Variants in UBE2O observed in about 807,000 individuals in gnomAD.
UBE2O encodes ubiquitin conjugating enzyme E2 O, also known as (E3-independent) E2 ubiquitin-conjugating enzyme.
In UBE2O, 15 loss-of-function variants were observed where a neutral mutation model predicts 125.8. The ratio of observed to expected loss-of-function variants is 0.12; its 90% CI spans 0.08 to 0.18. UBE2O has a LOEUF of 0.18. Ranked by LOEUF, UBE2O falls within the 10% of genes least tolerant of loss-of-function variation. The pLI is 1.00. For synonymous variants in UBE2O, 708 were observed against 703.2 expected, an observed-to-expected ratio of 1.01 and a Z score of -0.11; for missense variants, 1,280 against 1,723.6, an observed-to-expected ratio of 0.74 and a Z score of 4.56.
At chr17:76,434,621 G>A (rs1033203392) in intron 1 of UBE2O, among the ~76,000 whole-genome samples, 2 of 152,092 alleles carry the variant, frequency 1.3e-5, no homozygotes, top group Non-Finnish European at 2.9e-5. Flanking sequence ...TTTGGGTTGT[G>A]GAGAGTCCTT....
In UBE2O at chr17:76,390,924, T is replaced by C. The variant is rs755757903; in HGVS notation, c.*19A>G. The C allele has an allele frequency of 2.5e-6, 4 of 1,579,174 alleles. No individual in the cohort carries two copies. In the African/African-American group the frequency reaches 4.1e-5, roughly 16 times the overall value. ...GCTGGCCTCTCCCACGGTGATGCTC[T>C]TTCCTCTGTGCCTGGCAGCTACTTG... On this transcript the variant is annotated 3_prime_UTR_variant, in exon 18 of 18. Transcript: ENST00000319380.
chr17:76,418,731 G>A (rs2072657728), intron 1 of UBE2O, among the ~76,000 whole-genome samples: 1 of 152,000 alleles, frequency 6.6e-6, no homozygotes, highest in Non-Finnish European at 1.5e-5. Context: ...CACCACGCCC[G>A]GCTAACTTTT....
Position 76,421,446 on chromosome 17 carries a change from T to C in UBE2O, c.418-15874A>G, listed in dbSNP as rs56194054. 6.3e-3 allele frequency among the ~76,000 whole-genome samples: 958 copies of C among 152,144 alleles called. 7 individuals carry two copies. Among genetic ancestry groups the C allele is most frequent in the African/African-American group, 0.022 (924 of 41,520 alleles). On this transcript the variant is annotated intron_variant, in intron 1 of 17. Transcript: ENST00000319380. The stretch of plus-strand genomic sequence containing the variant: ...GCAATGGCGTGATCTCGGCACACCA[T>C]AGCCTGCTTCCCCGGTTCAAGCGAT...
chr17:76,401,121 G>T lies in UBE2O; in HGVS notation c.784C>A (p.Pro262Thr). The change falls in exon 6 of 18, where the codon CCA (proline) becomes ACA (threonine). Residue 262 changes from proline (P) to threonine (T), a missense_variant. Around this residue, in one of 10 missense-constraint regions of UBE2O, gnomAD observed 206 missense variants for 315.7 expected, o/e 0.65. Coordinates refer to ENST00000319380, the MANE Select transcript of UBE2O (RefSeq NM_022066.4). Reference sequence around the variant, plus strand: ...GCAGGGCCAATGAGCACCTGGCCTGGGTAGAAGCCATAGGAATCATCGAAG... The same window carrying T: ...GCAGGGCCAATGAGCACCTGGCCTGTGTAGAAGCCATAGGAATCATCGAAG... ...LFFDDSYGFY[P>T]GQVLIGPAKI... is the part of the protein sequence containing the mutation. The T allele has an allele frequency of 6.2e-7, 1 of 1,613,790 alleles. No individual in the cohort carries two copies. The highest frequency in any genetic ancestry group is 8.5e-7 in the Non-Finnish European group (1 of 1,180,024).
At chr17:76,439,767 C>G (rs1166713629) in intron 1 of UBE2O, among the ~76,000 whole-genome samples, 2 of 152,228 alleles carry the variant, frequency 1.3e-5, no homozygotes, top group African/African-American at 4.8e-5. Flanking sequence ...CTGCCCTCCA[C>G]TGCTGCTATT....
intron 1 of UBE2O, among the ~76,000 whole-genome samples, chr17:76,415,902 C>T (rs1398566418): frequency 6.7e-6 from 1 of 148,660 alleles, no homozygotes; most frequent in South Asian, 2.1e-4. Context: ...CACGTATATA[C>T]AAATATATAC....
At chr17:76,420,147 C>T (rs1281161370) in intron 1 of UBE2O, among the ~76,000 whole-genome samples, 1 of 152,220 alleles carries the variant, frequency 6.6e-6, no homozygotes, top group Admixed American at 6.5e-5. Flanking sequence ...TGCTAATCAA[C>T]AGCCACACTC....
chr17:76,447,155 C>A (rs1437002348), intron 1 of UBE2O, among the ~76,000 whole-genome samples: 1 of 152,214 alleles, frequency 6.6e-6, no homozygotes, highest in East Asian at 1.9e-4. Context: ...TTAATGCCAA[C>A]CACAAGGCTT....
Position 76,404,940 on chromosome 17 carries a change from G to C in UBE2O, c.588+266C>G, listed in dbSNP as rs1397214242. ...AATTTATTTTTTTAAAGAAATGTTA[G>C]AGGAGAAAGGAAAAACACTTAAAGA... On this transcript the variant is annotated intron_variant, in intron 3 of 17. Coordinates refer to ENST00000319380, the MANE Select transcript of UBE2O (RefSeq NM_022066.4). The surrounding 1 kb of genome is among the most constrained non-coding windows in gnomAD (Gnocchi z 4.3). 2.0e-5 allele frequency among the ~76,000 whole-genome samples: 3 copies of C among 152,116 alleles called. No individual in the cohort carries two copies. The highest frequency in any genetic ancestry group is 7.2e-5 in the African/African-American group (3 of 41,424).
chr17:76,448,015 G>A (rs749406601), intron 1 of UBE2O, among the ~76,000 whole-genome samples: 6 of 152,192 alleles, frequency 3.9e-5, no homozygotes, highest in Non-Finnish European at 8.8e-5. Flanking sequence ...TGCAGAGGGA[G>A]AAAATGAGGC....
intron 1 of UBE2O, among the ~76,000 whole-genome samples, chr17:76,428,855 T>C (rs961153253): frequency 2.6e-5 from 4 of 151,808 alleles, no homozygotes; most frequent in African/African-American, 9.7e-5. Context: ...ATATAAGACA[T>C]GACCATCAAG....
chr17:76,432,110 C>T (rs1598614723), intron 1 of UBE2O, among the ~76,000 whole-genome samples: 1 of 152,188 alleles, frequency 6.6e-6, no homozygotes, highest in East Asian at 1.9e-4. Flanking sequence ...TGCCCCTCAG[C>T]AGACAGCCAC....
Position 76,397,825 on chromosome 17 carries a change from T to A in UBE2O, c.2089A>T (p.Asn697Tyr), listed in dbSNP as rs757278690. 1 of 1,614,174 alleles carries A rather than the reference T, an allele frequency of 6.2e-7. No homozygotes were observed. Among genetic ancestry groups the A allele is most frequent in the South Asian group, 1.1e-5 (1 of 91,090 alleles). ...SSKVEVVWADNSKTIILPQHL... is the reference protein window; with the variant it reads ...SSKVEVVWADYSKTIILPQHL... Reference sequence around the variant, plus strand: ...TGGGGCAGGATGATGGTCTTTGAGTTGTCAGCCCACACCACCTCCACCTTG... The same window carrying A: ...TGGGGCAGGATGATGGTCTTTGAGTAGTCAGCCCACACCACCTCCACCTTG... Residue 697 changes from asparagine to tyrosine, a missense_variant, in exon 13 of 18, where the codon AAC becomes TAC. Coordinates refer to ENST00000319380, the MANE Select transcript of UBE2O (RefSeq NM_022066.4).
At chr17:76,449,661 G>A (rs2073203960) in intron 1 of UBE2O, among the ~76,000 whole-genome samples, 1 of 152,176 alleles carries the variant, frequency 6.6e-6, no homozygotes. Flanking sequence ...GCTCCTGCCT[G>A]TAATCCCAGC....
chr17:76,403,452 G>C (rs1366717078), intron 3 of UBE2O, among the ~76,000 whole-genome samples: 1 of 151,828 alleles, frequency 6.6e-6, no homozygotes, highest in Non-Finnish European at 1.5e-5. Context: ...CATATATTTT[G>C]GTTGAGATGG....
intron 1 of UBE2O, among the ~76,000 whole-genome samples, chr17:76,445,711 G>A (rs548421049): frequency 6.6e-6 from 1 of 152,300 alleles, no homozygotes; most frequent in African/African-American, 2.4e-5. Flanking sequence ...ACTTGGAGTA[G>A]ATAAATCCAG....
chr17:76,446,492 G>T (rs1048615515), intron 1 of UBE2O, among the ~76,000 whole-genome samples: 2 of 152,082 alleles, frequency 1.3e-5, no homozygotes, highest in Non-Finnish European at 2.9e-5. Context: ...ACAAAACAGA[G>T]AGAAACAGGG....
In UBE2O at chr17:76,389,576, T is replaced by A. The variant is rs1286521768; in HGVS notation, c.*1367A>T. ...AATCACACAGCACTTTATACAGATATCGTAAGCAGTAGGCATTCACATCTC... is the reference window on the plus strand; with the variant it reads ...AATCACACAGCACTTTATACAGATAACGTAAGCAGTAGGCATTCACATCTC... On this transcript the variant is annotated 3_prime_UTR_variant, in exon 18 of 18. Coordinates refer to ENST00000319380, the MANE Select transcript of UBE2O (RefSeq NM_022066.4). 1.3e-5 allele frequency: 2 copies of A among 149,806 alleles called. No homozygotes were observed. Among genetic ancestry groups the A allele is most frequent in the Admixed American group, 6.6e-5 (1 of 15,078 alleles). 9.3% of individuals were successfully genotyped at this position (149,806 alleles called of 1,614,324 possible).
rs949343808 is a variant in UBE2O at position 76,452,227 on chromosome 17, G to A, written c.417+498C>T. On this transcript the variant is annotated intron_variant, in intron 1 of 17. Transcript: ENST00000319380. The surrounding 1 kb of genome is among the most constrained non-coding windows in gnomAD (Gnocchi z 4.4). ...GGGTGGCTTCACCATAATGCAGCCT[G>A]TAAGCTAGTGAACTTCTTGGGTTCG... is the stretch of plus-strand genomic sequence containing the variant. Among the ~76,000 whole-genome samples the A allele has an allele frequency of 4.6e-5, 7 of 152,202 alleles. No homozygotes were observed. Among genetic ancestry groups the A allele is most frequent in the Admixed American group, 3.3e-4 (5 of 15,284 alleles).
Sources: allele counts gnomAD v4.1 joint callset (sites outside exome capture counted in the v4.1 genomes callset), GRCh38; gene constraint gnomAD v4.1.1; regional missense constraint gnomAD v4.1.1; non-coding constraint Gnocchi (gnomAD v3.1); transcripts MANE v1.5; gene names NCBI Gene and HGNC (gene_info 2026-07-23, HGNC 2026-07-21).